The following CELF2 variants were observed in gnomAD, a reference collection of about 807,000 sequenced individuals.
CELF2 encodes CUG triplet repeat RNA-binding protein 2.
Under a neutral mutation model 62.6 loss-of-function variants are expected in CELF2, and 8 were observed. The ratio of observed to expected loss-of-function variants is 0.13; its 90% CI spans 0.07 to 0.23. The LOEUF (loss-of-function observed/expected upper bound fraction) is 0.23. Among genes scored for constraint, CELF2 ranks in the 10% least tolerant of loss-of-function variants. The probability of loss-of-function intolerance (pLI) is 1.00; values close to 1 mark genes in which losing one functional copy is unlikely to be tolerated. For missense variants in CELF2, 333 were observed against 671.0 expected, an observed-to-expected ratio of 0.50 and a Z score of 5.56; for synonymous variants, 258 against 250.0, an observed-to-expected ratio of 1.03 and a Z score of -0.30.
chr10:11,226,758 T>C (rs2066771215), intron 3 of CELF2, among the ~76,000 whole-genome samples: 2 of 152,142 alleles, frequency 1.3e-5, no homozygotes, highest in African/African-American at 4.8e-5. Context: ...CGAGGCAAGG[T>C]ATTTGCTAGA....
At chr10:11,304,612 G>A (rs1031779822) in intron 9 of CELF2, among the ~76,000 whole-genome samples, 2 of 152,108 alleles carry the variant, frequency 1.3e-5, no homozygotes, top group Admixed American at 1.3e-4. Flanking sequence ...CTTCCTCTAC[G>A]TATAAAGCCC....
At chr10:10,994,300 C>T (rs1332823301) in intron 2 of CELF2, among the ~76,000 whole-genome samples, 2 of 152,320 alleles carry the variant, frequency 1.3e-5, no homozygotes, top group African/African-American at 2.4e-5. Flanking sequence ...ACATCATGGT[C>T]TACCTGTCAG....
chr10:10,525,275 G>T, the CELF2 span, among the ~76,000 whole-genome samples: 1 of 152,280 alleles, frequency 6.6e-6, no homozygotes, highest in Admixed American at 6.5e-5. Flanking sequence ...GACCAAGCCT[G>T]TCCAACCCAC....
chr10:10,927,855 G>A (rs1413666039), intron 2 of CELF2, among the ~76,000 whole-genome samples: 1 of 151,914 alleles, frequency 6.6e-6, no homozygotes, highest in Admixed American at 6.6e-5. Flanking sequence ...CATTCTCTAG[G>A]TAGAAGTCCA....
chr10:10,934,334 C>T lies in CELF2; in HGVS notation c.89+14335C>T, dbSNP rs1192740328. On this transcript the variant is annotated intron_variant, in intron 2 of 13. Coordinates refer to the CELF2 transcript ENST00000636488. The surrounding 1 kb of genome is among the most constrained non-coding windows in gnomAD (Gnocchi z 4.4). Reference sequence around the variant, plus strand: ...GAGGAGTGGCCCCAAGTCTACCGTGCTCACCTTTCTATCCTCAACACCTAG... The same window carrying T: ...GAGGAGTGGCCCCAAGTCTACCGTGTTCACCTTTCTATCCTCAACACCTAG... Among the ~76,000 whole-genome samples, 1 of 152,196 alleles carries T rather than the reference C, an allele frequency of 6.6e-6. No homozygotes were observed. Among genetic ancestry groups the T allele is most frequent in the Non-Finnish European group, 1.5e-5 (1 of 68,038 alleles).
chr10:10,926,164 G>T (rs2065437794), intron 2 of CELF2, among the ~76,000 whole-genome samples: 1 of 152,140 alleles, frequency 6.6e-6, no homozygotes, highest in South Asian at 2.1e-4. Context: ...AGCCTCTATG[G>T]TCTGAATGTG....
chr10:10,780,895 T>C, the CELF2 span, among the ~76,000 whole-genome samples: 1 of 152,226 alleles, frequency 6.6e-6, no homozygotes, highest in African/African-American at 2.4e-5. Flanking sequence ...CTAATTAACA[T>C]GCCAATGAGT....
At chr10:11,006,921 A>G (rs1206650516) in intron 1 of CELF2, among the ~76,000 whole-genome samples, 3 of 152,232 alleles carry the variant, frequency 2.0e-5, no homozygotes, top group African/African-American at 7.2e-5. Flanking sequence ...GAAGCTTTCG[A>G]CAGAGAAAAT....
chr10:11,025,098 T>C (rs2058923219), intron 1 of CELF2, among the ~76,000 whole-genome samples: 1 of 152,178 alleles, frequency 6.6e-6, no homozygotes, highest in Non-Finnish European at 1.5e-5. Context: ...CCTCATTTAT[T>C]TGACACAAAG....
chr10:11,288,344 T>G, intron 8 of CELF2, 74 bp from the exon 9 acceptor site: 17 of 1,566,760 alleles, frequency 1.1e-5, no homozygotes, highest in South Asian at 3.6e-5. Context: ...GACGATTTGA[T>G]GAGCCTGCTC....
At chr10:10,657,086 G>T in the CELF2 span, among the ~76,000 whole-genome samples, 7 of 152,268 alleles carry the variant, frequency 4.6e-5, no homozygotes, top group Non-Finnish European at 8.8e-5. Context: ...TTATTCAGCA[G>T]ATTGATAGAG....
At chr10:10,534,370 G>T in the CELF2 span, among the ~76,000 whole-genome samples, 1 of 152,154 alleles carries the variant, frequency 6.6e-6, no homozygotes, top group African/African-American at 2.4e-5. Flanking sequence ...TTTGAAAGTG[G>T]GGAGACCGGA....
chr10:11,247,265 T>C lies in CELF2; in HGVS notation c.355-1888T>C, dbSNP rs2075873643. Among the ~76,000 whole-genome samples, 2 of 152,198 alleles carry C rather than the reference T, an allele frequency of 1.3e-5. No individual in the cohort carries two copies. The highest frequency in any genetic ancestry group is 4.1e-4 in the South Asian group (2 of 4,832). ...CTTGCAAGACCCTCTGAGAGCTGGG[T>C]GTTGCCCACCTTCACCGCCCCTTCC... On this transcript the variant is annotated intron_variant, in intron 3 of 12. Transcript: ENST00000633077. This position sits in a 1 kb window ranked among gnomAD's most constrained non-coding sequence, Gnocchi z 5.4.
At chr10:10,708,802 GAAAT>G in the CELF2 span, among the ~76,000 whole-genome samples, 1 of 152,066 alleles carries the variant, frequency 6.6e-6, no homozygotes, top group African/African-American at 2.4e-5. Context: ...TTATATGTAA[GAAAT>G]AATAATCCTC....
chr10:11,108,840 C>G (rs2054374500), intron 1 of CELF2, among the ~76,000 whole-genome samples: 1 of 152,206 alleles, frequency 6.6e-6, no homozygotes, highest in African/African-American at 2.4e-5. Context: ...ATCCATTTCC[C>G]TTCTCTCAAT....
chr10:10,572,107 T>C, the CELF2 span, among the ~76,000 whole-genome samples: 1 of 152,158 alleles, frequency 6.6e-6, no homozygotes, highest in Non-Finnish European at 1.5e-5. Flanking sequence ...CGTATGGTAT[T>C]AGTCCCTGAG....
Position 11,053,909 on chromosome 10 carries a change from C to T in CELF2, c.74+35746C>T, listed in dbSNP as rs192466357. Reference sequence around the variant, plus strand: ...GATTACAGGTGTGAGCCACCGCACCCGGCCTGATATTTCTTGAATGTACTT... The same window carrying T: ...GATTACAGGTGTGAGCCACCGCACCTGGCCTGATATTTCTTGAATGTACTT... On this transcript the variant is annotated intron_variant, in intron 1 of 12. Transcript: ENST00000633077. 1.9e-3 allele frequency among the ~76,000 whole-genome samples: 291 copies of T among 152,112 alleles called. 1 individual carries two copies. The highest frequency in any genetic ancestry group is 6.4e-3 in the African/African-American group (264 of 41,502).
At chr10:10,808,899 T>A (rs1248166659) in intron 1 of CELF2, among the ~76,000 whole-genome samples, 1 of 152,116 alleles carries the variant, frequency 6.6e-6, no homozygotes, top group Non-Finnish European at 1.5e-5. Flanking sequence ...TAGGTTTGAG[T>A]CCATACGCTA....
intron 2 of CELF2, among the ~76,000 whole-genome samples, chr10:10,976,788 T>C (rs1052065946): frequency 6.6e-6 from 1 of 152,170 alleles, no homozygotes; most frequent in African/African-American, 2.4e-5. Context: ...GGGTCTGACT[T>C]CCTGAAATTT....
Sources: gnomAD v4.1 joint callset for allele counts (sites outside exome capture counted in the v4.1 genomes callset) on GRCh38, gnomAD v4.1.1 for gene constraint, Gnocchi (gnomAD v3.1) non-coding constraint, MANE v1.5 for transcripts, NCBI Gene and HGNC (gene_info 2026-07-23, HGNC 2026-07-21) for gene names.